Variants in GULP1 observed in about 807,000 individuals in gnomAD.
GULP1 encodes the protein GULP PTB domain containing engulfment adaptor 1.
GULP1 carries 19 observed loss-of-function variants against 40.9 expected under a neutral mutation model. The ratio of observed to expected loss-of-function variants is 0.46; its 90% CI spans 0.32 to 0.68. The LOEUF is 0.68. GULP1 is among the 30% of genes least tolerant of loss of function. The pLI, the probability that GULP1 is intolerant of heterozygous loss-of-function variation, is 0.03. For missense variants in GULP1, 312 were observed against 362.2 expected (o/e 0.86, Z 1.12); for synonymous variants, 119 against 117.6 (o/e 1.01, Z -0.08).
At chr2:188,385,452 G>T (rs1447504083) in intron 2 of GULP1, among the ~76,000 whole-genome samples, 1 of 152,104 alleles carries the variant, frequency 6.6e-6, no homozygotes, top group Non-Finnish European at 1.5e-5. Flanking sequence ...CTCCGGGGTT[G>T]CCATGAAGAC....
chr2:188,491,289 A>G (rs903390632), intron 4 of GULP1: 1 of 152,100 alleles, frequency 6.6e-6, no homozygotes, highest in African/African-American at 2.4e-5. Context: ...AAAGTAAAAA[A>G]CATTTAATGT....
At chr2:188,508,536 A>G (rs1437725542) in intron 4 of GULP1, among the ~76,000 whole-genome samples, 1 of 151,926 alleles carries the variant, frequency 6.6e-6, no homozygotes, top group Non-Finnish European at 1.5e-5. Context: ...CCAGTTGATT[A>G]TACAAAGAGT....
intron 1 of GULP1, among the ~76,000 whole-genome samples, chr2:188,340,371 ACAGGG>A (rs1177209100): frequency 3.3e-5 from 5 of 152,156 alleles, no homozygotes; most frequent in Non-Finnish European, 7.4e-5. Flanking sequence ...AGGCCTTGCA[ACAGGG>A]GTGCCTTGCT....
intron 1 of GULP1, among the ~76,000 whole-genome samples, chr2:188,309,273 C>G (rs2037664941): frequency 6.6e-6 from 1 of 151,946 alleles, no homozygotes; most frequent in African/African-American, 2.4e-5. Context: ...CAAGACCAGC[C>G]TGGGCAACAT....
chr2:188,333,639 C>T (rs941532594), intron 1 of GULP1, among the ~76,000 whole-genome samples: 1 of 152,050 alleles, frequency 6.6e-6, no homozygotes, highest in South Asian at 2.1e-4. Context: ...ATTTTGTACT[C>T]CTTAGGGTTG....
At chr2:188,320,929 C>T (rs1426757080) in intron 1 of GULP1, among the ~76,000 whole-genome samples, 1 of 150,708 alleles carries the variant, frequency 6.6e-6, no homozygotes, top group Non-Finnish European at 1.5e-5. Flanking sequence ...AAAAAAAACA[C>T]CTACAAAAGG....
At chr2:188,544,244 A>G (rs1302170390) in intron 7 of GULP1, among the ~76,000 whole-genome samples, 1 of 152,164 alleles carries the variant, frequency 6.6e-6, no homozygotes, top group African/African-American at 2.4e-5. Flanking sequence ...AATGACAGTC[A>G]GTAGTTACCA....
At chr2:188,477,567 T>G (rs2061113674) in intron 2 of GULP1, 92 bp from the exon 3 acceptor site, 2 of 645,816 alleles carry the variant, frequency 3.1e-6, no homozygotes, top group East Asian at 6.4e-5. Context: ...TTTTAAAAAT[T>G]TAAAAAGCCT....
intron 1 of GULP1, among the ~76,000 whole-genome samples, chr2:188,368,673 T>A (rs1356729561): frequency 6.6e-6 from 1 of 151,856 alleles, no homozygotes; most frequent in Non-Finnish European, 1.5e-5. Flanking sequence ...GAAGCCAAAG[T>A]TAAGTTATGT....
chr2:188,470,938 T>A (rs969257927), intron 2 of GULP1, among the ~76,000 whole-genome samples: 6 of 152,050 alleles, frequency 3.9e-5, no homozygotes, highest in African/African-American at 1.4e-4. Flanking sequence ...TTGTCTAGAG[T>A]GTAGATTAAG....
intron 1 of GULP1, among the ~76,000 whole-genome samples, chr2:188,342,924 A>G (rs1218941081): frequency 6.6e-6 from 1 of 152,214 alleles, no homozygotes; most frequent in Admixed American, 6.5e-5. Flanking sequence ...AATATAACAC[A>G]TATTTCAGTC....
chr2:188,395,149 T>C (rs2051058477), intron 2 of GULP1, among the ~76,000 whole-genome samples: 1 of 152,108 alleles, frequency 6.6e-6, no homozygotes, highest in African/African-American at 2.4e-5. Flanking sequence ...TGCAACACAC[T>C]GAGGTCTTAT....
chr2:188,581,861 C>T (rs775347764), intron 9 of GULP1, among the ~76,000 whole-genome samples: 4 of 152,178 alleles, frequency 2.6e-5, no homozygotes, highest in Non-Finnish European at 5.9e-5. Context: ...ACTACTGATA[C>T]TTCAAATAAT....
chr2:188,445,677 GT>G (rs753015673), intron 2 of GULP1, among the ~76,000 whole-genome samples: 18 of 152,284 alleles, frequency 1.2e-4, no homozygotes, highest in Non-Finnish European at 2.4e-4. Flanking sequence ...TCCACAACTA[GT>G]TTTTAGTGGA....
At chr2:188,386,660 C>T (rs916487868) in intron 2 of GULP1, among the ~76,000 whole-genome samples, 1 of 152,014 alleles carries the variant, frequency 6.6e-6, no homozygotes, top group Non-Finnish European at 1.5e-5. Context: ...GAATTGGTAT[C>T]ACTGGCTCAA....
intron 4 of GULP1, among the ~76,000 whole-genome samples, chr2:188,493,440 T>C (rs1364603267): frequency 6.6e-6 from 1 of 152,074 alleles, no homozygotes; most frequent in Non-Finnish European, 1.5e-5. Flanking sequence ...CCATTGTTCC[T>C]CTGGGTTCTA....
chr2:188,315,361 A>G (rs539370471), intron 1 of GULP1, among the ~76,000 whole-genome samples: 1 of 152,316 alleles, frequency 6.6e-6, no homozygotes, highest in Admixed American at 6.5e-5. Flanking sequence ...AAAACATAGT[A>G]AATATAAGAT....
At chr2:188,311,329 T>C (rs1285310355) in intron 1 of GULP1, among the ~76,000 whole-genome samples, 1 of 152,166 alleles carries the variant, frequency 6.6e-6, no homozygotes, top group African/African-American at 2.4e-5. Flanking sequence ...CCCGAGTAGC[T>C]GGGACTACAG....
intron 4 of GULP1, among the ~76,000 whole-genome samples, chr2:188,513,125 T>C (rs1278456407): frequency 6.6e-6 from 1 of 152,124 alleles, no homozygotes; most frequent in Non-Finnish European, 1.5e-5. Context: ...ATTATATCTA[T>C]AGTATCAGAA....
Sources: gnomAD v4.1 joint callset for allele counts (sites outside exome capture counted in the v4.1 genomes callset) on GRCh38, gnomAD v4.1.1 for gene constraint, MANE v1.5 for transcripts, NCBI Gene and HGNC (gene_info 2026-07-23, HGNC 2026-07-21) for gene names.